The following LRP1B variants were observed in gnomAD, a reference collection of about 807,000 sequenced individuals.
LRP1B encodes LDL receptor related protein 1B.
In LRP1B, 217 loss-of-function variants were observed where a neutral mutation model predicts 556.6. The ratio of observed to expected loss-of-function variants is 0.39; its 90% CI spans 0.35 to 0.44. The LOEUF (loss-of-function observed/expected upper bound fraction) is 0.44, where lower values mean the gene tolerates loss of function less well. Among genes scored for constraint, LRP1B ranks in the 20% least tolerant of loss-of-function variants. The pLI is 1.00. For synonymous variants in LRP1B, 2,047 were observed against 1,865.8 expected, an observed-to-expected ratio of 1.10 and a Z score of -2.50; for missense variants, 5,053 against 5,620.8, an observed-to-expected ratio of 0.90 and a Z score of 3.23.
At chr2:140,894,942 CAAAA>C (rs553164109) in intron 23 of LRP1B, among the ~76,000 whole-genome samples, 2 of 112,980 alleles carry the variant, frequency 1.8e-5, no homozygotes, top group Non-Finnish European at 3.8e-5. Context: ...GACTCTGCCT[CAAAA>C]AAAAAAAAAA....
intron 2 of LRP1B, among the ~76,000 whole-genome samples, chr2:141,678,499 C>T (rs150766935): frequency 1.8e-3 from 281 of 152,122 alleles, no homozygotes; most frequent in African/African-American, 6.4e-3. Flanking sequence ...AAGCATTCAT[C>T]GAATTTGACA....
At chr2:141,811,158 A>G (rs1344022475) in intron 1 of LRP1B, among the ~76,000 whole-genome samples, 1 of 152,058 alleles carries the variant, frequency 6.6e-6, no homozygotes, top group Non-Finnish European at 1.5e-5. Context: ...TGCTTTTATC[A>G]CGTGAATCCC....
intron 3 of LRP1B, among the ~76,000 whole-genome samples, chr2:141,440,151 A>G (rs191189505): frequency 7.7e-4 from 117 of 152,300 alleles, no homozygotes; most frequent in Admixed American, 1.2e-3. Flanking sequence ...CTCTGGCACC[A>G]TTTTACAAAG....
intron 11 of LRP1B, among the ~76,000 whole-genome samples, chr2:141,021,969 CTTCTG>C (rs1698076229): frequency 6.6e-6 from 1 of 151,810 alleles, no homozygotes; most frequent in Admixed American, 6.6e-5. Context: ...TTTTATATCT[CTTCTG>C]TCTCTTTTCT....
intron 2 of LRP1B, among the ~76,000 whole-genome samples, chr2:141,521,371 CT>C (rs1281439871): frequency 6.6e-6 from 1 of 151,904 alleles, no homozygotes; most frequent in Non-Finnish European, 1.5e-5. Flanking sequence ...CAGTTTGTTC[CT>C]TCCTACCTTT....
At chr2:140,593,220 T>A (rs542414596) in intron 43 of LRP1B, among the ~76,000 whole-genome samples, 1 of 152,178 alleles carries the variant, frequency 6.6e-6, no homozygotes, top group Admixed American at 6.5e-5. Flanking sequence ...CAATCTTGGA[T>A]TCAGTTTTTA....
intron 35 of LRP1B, among the ~76,000 whole-genome samples, chr2:140,767,865 T>G (rs1297089297): frequency 2.0e-5 from 3 of 151,916 alleles, no homozygotes; most frequent in African/African-American, 7.2e-5. Flanking sequence ...GCATGTACTG[T>G]ATACATAAAA....
chr2:141,846,839 C>A (rs1286175402), intron 1 of LRP1B, among the ~76,000 whole-genome samples: 1 of 151,242 alleles, frequency 6.6e-6, no homozygotes, highest in Non-Finnish European at 1.5e-5. Context: ...ATTTTTCTTA[C>A]TAGAAAAATG....
Position 141,062,243 on chromosome 2 carries a change from G to T in LRP1B, c.1044C>A (p.Val348=). 1 of 1,610,830 alleles carries T rather than the reference G, an allele frequency of 6.2e-7. No individual in the cohort carries two copies. Among genetic ancestry groups the T allele is most frequent in the South Asian group, 1.1e-5 (1 of 90,904 alleles). The part of the protein sequence containing the change: ...GKLFFTDYGN[V]AKVERCDMDG... ...CCATGTCACATCTCTCCACTTTGGC[G>T]ACATTCCCGTAGTCAGTAAAGAAAA... Residue 348 remains valine, a synonymous_variant, in exon 8 of 91, where the codon GTC becomes GTA. Coordinates refer to ENST00000389484, the MANE Select transcript of LRP1B (RefSeq NM_018557.3).
chr2:141,574,060 A>C (rs1339950859), intron 2 of LRP1B, among the ~76,000 whole-genome samples: 1 of 152,148 alleles, frequency 6.6e-6, no homozygotes, highest in East Asian at 1.9e-4. Context: ...ATTCCAAACA[A>C]TTGAAAAGGG....
At chr2:141,037,082 C>T (rs1698555554) in intron 11 of LRP1B, among the ~76,000 whole-genome samples, 1 of 151,868 alleles carries the variant, frequency 6.6e-6, no homozygotes, top group African/African-American at 2.4e-5. Context: ...AGCATTCTAC[C>T]ATTGAGAGAA....
chr2:141,822,114 C>CAG (rs1220162057), intron 1 of LRP1B, among the ~76,000 whole-genome samples: 3,504 of 110,862 alleles, frequency 0.032, 67 homozygotes, highest in Middle Eastern at 0.057. Context: ...CACACACACA[C>CAG]ACACACACAC....
chr2:141,002,941 G>C (rs1468440745), intron 15 of LRP1B, among the ~76,000 whole-genome samples: 7 of 151,944 alleles, frequency 4.6e-5, no homozygotes, highest in Non-Finnish European at 7.4e-5. Context: ...TATAATAAGT[G>C]AAATTGAAGA....
At chr2:140,428,232 C>T (rs1373817033) in intron 66 of LRP1B, among the ~76,000 whole-genome samples, 4 of 152,170 alleles carry the variant, frequency 2.6e-5, no homozygotes, top group South Asian at 2.1e-4. Context: ...TAATTAACCT[C>T]GCCTTCAAGG....
intron 4 of LRP1B, among the ~76,000 whole-genome samples, chr2:141,248,035 C>A (rs757112587): frequency 3.9e-5 from 6 of 152,112 alleles, no homozygotes; most frequent in Non-Finnish European, 8.8e-5. Flanking sequence ...TGGTGAGACC[C>A]TGTCTCTACT....
At chr2:141,350,925 A>T (rs1688421596) in intron 3 of LRP1B, among the ~76,000 whole-genome samples, 1 of 151,958 alleles carries the variant, frequency 6.6e-6, no homozygotes, top group Non-Finnish European at 1.5e-5. Context: ...ATATAGATTG[A>T]TTCATTGTGC....
intron 1 of LRP1B, among the ~76,000 whole-genome samples, chr2:142,113,985 T>G (rs2104994871): frequency 6.6e-6 from 1 of 152,226 alleles, no homozygotes; most frequent in East Asian, 1.9e-4. Flanking sequence ...TAGAGCAGTA[T>G]GAACAGCCAC....
chr2:141,821,164 C>T (rs1238058407), intron 1 of LRP1B, among the ~76,000 whole-genome samples: 1 of 152,194 alleles, frequency 6.6e-6, no homozygotes, highest in Non-Finnish European at 1.5e-5. Flanking sequence ...GAACTCAGCC[C>T]ATTGAGCACT....
intron 5 of LRP1B, among the ~76,000 whole-genome samples, chr2:141,231,601 T>G (rs1006474708): frequency 1.4e-5 from 2 of 145,532 alleles, no homozygotes; most frequent in South Asian, 2.2e-4. Flanking sequence ...CTTAGCACAT[T>G]CCCCCCACCC....
Sources: allele counts gnomAD v4.1 joint callset (sites outside exome capture counted in the v4.1 genomes callset), GRCh38; gene constraint gnomAD v4.1.1; transcripts MANE v1.5; gene names NCBI Gene and HGNC (gene_info 2026-07-23, HGNC 2026-07-21).